The following AFF1 variants were observed in gnomAD, a reference collection of about 807,000 sequenced individuals.
The protein encoded by AFF1 is AF4/FMR2 family member 1.
Under a neutral mutation model 121.7 loss-of-function variants are expected in AFF1, and 48 were observed. That is an observed-to-expected ratio of 0.39 (90% CI 0.31 to 0.50). The LOEUF is 0.50. Among genes scored for constraint, AFF1 ranks in the 20% least tolerant of loss-of-function variants. The probability of loss-of-function intolerance (pLI) is 0.76; values close to 1 mark genes in which losing one functional copy is unlikely to be tolerated. For missense variants in AFF1, 1,523 were observed against 1,511.7 expected, an observed-to-expected ratio of 1.01 and a Z score of -0.12; for synonymous variants, 613 against 563.0, an observed-to-expected ratio of 1.09 and a Z score of -1.26.
rs397994396 is a variant in AFF1, at chr4:87,115,625, T to TTTTTTTTTTTTTC, written c.2466+326_2466+327insTTTTTTTTTTTTC. On this transcript the variant is annotated intron_variant, in intron 12 of 20. Transcript: ENST00000395146. ...AACCCACCTCTTTTTTTTTTTTTTT[T>TTTTTTTTTTTTTC]CCAAAGACAGGCCCTTGCTCTGTTG... Among the ~76,000 whole-genome samples the TTTTTTTTTTTTTC allele has an allele frequency of 4.1e-3, 420 of 102,964 alleles. 45 individuals are homozygous for TTTTTTTTTTTTTC. Among genetic ancestry groups the TTTTTTTTTTTTTC allele is most frequent in the South Asian group, 0.014 (40 of 2,924 alleles). 67.5% of individuals were successfully genotyped at this position (102,964 alleles called of 152,430 possible).
At chr4:86,951,310 T>G (rs930651973) in intron 2 of AFF1, among the ~76,000 whole-genome samples, 1 of 151,262 alleles carries the variant, frequency 6.6e-6, no homozygotes, top group African/African-American at 2.4e-5. Flanking sequence ...CAGCCAGAGC[T>G]CCTATCTAAT....
Position 86,985,248 on chromosome 4 carries a change from C to T in AFF1, c.38+36677C>T, listed in dbSNP as rs1724151109. ...ATTTTAGGCCGGGCAGAGGGGCTCA[C>T]GCCTGTAATCCCAGCACTTTGGGAG... On this transcript the variant is annotated intron_variant, in intron 2 of 20. Coordinates refer to ENST00000395146, the MANE Select transcript of AFF1 (RefSeq NM_001166693.3). Among the ~76,000 whole-genome samples, 3 of 140,320 alleles carry T rather than the reference C, an allele frequency of 2.1e-5. No homozygotes were observed. The South Asian group carries it at 6.5e-4, about 30-fold the overall frequency. The allele number at this position is 140,320 out of a possible 152,430, so 92.1% of individuals were successfully genotyped here.
At chr4:86,996,958 C>T (rs909886324) in intron 2 of AFF1, among the ~76,000 whole-genome samples, 1 of 152,180 alleles carries the variant, frequency 6.6e-6, no homozygotes, top group Admixed American at 6.5e-5. Context: ...GTTGCCCAGG[C>T]TGGAGTGCAG....
At chr4:86,995,581 C>T (rs1217471893) in intron 2 of AFF1, among the ~76,000 whole-genome samples, 2 of 151,978 alleles carry the variant, frequency 1.3e-5, no homozygotes, top group Non-Finnish European at 2.9e-5. Context: ...CCCGAGGTGC[C>T]GGGATTGCAG....
rs1578141604 is a variant in AFF1 at position 87,047,728 on chromosome 4, G to C, written c.1059+134G>C. On this transcript the variant is annotated intron_variant, in intron 4 of 20. Coordinates refer to ENST00000395146, the MANE Select transcript of AFF1 (RefSeq NM_001166693.3). ...TAGGGGGAATTCTTTTTGGCTTTAGGATCTTGTTAATAACCCGCGAAAAAC... is the reference window on the plus strand; with the variant it reads ...TAGGGGGAATTCTTTTTGGCTTTAGCATCTTGTTAATAACCCGCGAAAAAC... The C allele has an allele frequency of 5.8e-6, 7 of 1,203,100 alleles. 1 individual carries two copies. The Admixed American group carries it at 1.2e-4, about 20-fold the overall frequency. 74.5% of individuals were successfully genotyped at this position (1,203,100 alleles called of 1,614,324 possible).
chr4:87,054,519 G>A (rs566704494), intron 4 of AFF1, among the ~76,000 whole-genome samples: 13 of 152,262 alleles, frequency 8.5e-5, no homozygotes, highest in African/African-American at 2.6e-4. Context: ...TTCAGGTTCC[G>A]TTTTCTAAAA....
intron 4 of AFF1, among the ~76,000 whole-genome samples, chr4:87,048,810 A>C (rs1293249960): frequency 6.6e-6 from 1 of 152,176 alleles, no homozygotes; most frequent in African/African-American, 2.4e-5. Context: ...AAAATAAGAA[A>C]GAAGGAGTAA....
At chr4:87,019,430 G>C (rs556132964) in intron 2 of AFF1, among the ~76,000 whole-genome samples, 1 of 152,338 alleles carries the variant, frequency 6.6e-6, no homozygotes, top group Non-Finnish European at 1.5e-5. Context: ...GAGAGTTCCT[G>C]CCCCATACTC....
rs747567891 is a variant in AFF1, at chr4:87,134,708, T to A, written c.3535+14T>A. 6.3e-7 allele frequency: 1 copy of A among 1,594,834 alleles called. No homozygotes were observed. The highest frequency in any genetic ancestry group is 1.1e-5 in the South Asian group (1 of 90,584). On this transcript the variant is annotated intron_variant, in intron 20 of 20. Transcript: ENST00000395146. ...GGAAGAATAAAGGTAAATAAATGGC[T>A]TTGTGGTGGTAATTACTGGGGTGTT...
intron 4 of AFF1, among the ~76,000 whole-genome samples, chr4:87,068,294 C>T (rs1721601693): frequency 7.9e-6 from 1 of 126,910 alleles, no homozygotes; most frequent in Non-Finnish European, 1.6e-5. Context: ...GCCTTTATAT[C>T]TTATCTTACT....
At chr4:87,049,866 A>T in intron 4 of AFF1, 1 of 388,976 alleles carries the variant, frequency 2.6e-6, no homozygotes. Context: ...AGGAGTCGTC[A>T]ATCCGGGAAG....
At chr4:87,120,856 C>T (rs1401318400) in intron 12 of AFF1, among the ~76,000 whole-genome samples, 2 of 152,208 alleles carry the variant, frequency 1.3e-5, no homozygotes, top group Admixed American at 1.3e-4. Context: ...AAAAAGCCAC[C>T]TTTTCCCTGC....
At chr4:87,111,012 A>ATTTTTTTTTTTTT (rs1281817683) in intron 11 of AFF1, among the ~76,000 whole-genome samples, 1 of 29,278 alleles carries the variant, frequency 3.4e-5, no homozygotes, top group African/African-American at 8.9e-5. Flanking sequence ...TTTTTTTTTT[A>ATTTTTTTTTTTTT]TTTTTTTTTT....
At chr4:86,938,050 C>T (rs1173798992) in intron 1 of AFF1, among the ~76,000 whole-genome samples, 1 of 152,174 alleles carries the variant, frequency 6.6e-6, no homozygotes, top group African/African-American at 2.4e-5. Context: ...GTTCTATGTT[C>T]AACTCTGTAA....
At chr4:86,939,398 T>A (rs1452781112) in intron 1 of AFF1, among the ~76,000 whole-genome samples, 1 of 152,186 alleles carries the variant, frequency 6.6e-6, no homozygotes, top group Non-Finnish European at 1.5e-5. Context: ...AAAATATAAA[T>A]AGTGTTTCTC....
At chr4:86,964,549 C>T (rs1219487947) in intron 2 of AFF1, among the ~76,000 whole-genome samples, 1 of 151,726 alleles carries the variant, frequency 6.6e-6, no homozygotes, top group African/African-American at 2.4e-5. Context: ...AATTCTCCTG[C>T]CTCAGCTCCT....
chr4:86,958,610 C>T (rs1217428336), intron 2 of AFF1, among the ~76,000 whole-genome samples: 4 of 151,800 alleles, frequency 2.6e-5, no homozygotes, highest in East Asian at 3.9e-4. Context: ...CCCAGCTACT[C>T]GGGAGGCTGA....
At position 86,958,091 on chromosome 4, in the gene AFF1, C is replaced by CTTTTTTTTTTTTTTTTTTTTTT. The variant is rs36035943; in HGVS notation, c.38+9539_38+9540insTTTTTTTTTTTTTTTTTTTTTT. Among the ~76,000 whole-genome samples, 2 of 107,108 alleles carry CTTTTTTTTTTTTTTTTTTTTTT rather than the reference C, an allele frequency of 1.9e-5. 1 individual carries two copies. Among genetic ancestry groups the CTTTTTTTTTTTTTTTTTTTTTT allele is most frequent in the African/African-American group, 7.2e-5 (2 of 27,630 alleles). The allele number at this position is 107,108 out of a possible 152,430, so 70.3% of individuals were successfully genotyped here. ...TCTCTGAACTTTTTCTTTTTTTTTC[C>CTTTTTTTTTTTTTTTTTTTTTT]TTTTTTTTTTTTTTTTTTTGAAACG... On this transcript the variant is annotated intron_variant, in intron 2 of 20. Transcript: ENST00000395146.
At chr4:87,094,510 C>G (rs571660177) in intron 7 of AFF1, among the ~76,000 whole-genome samples, 1 of 152,056 alleles carries the variant, frequency 6.6e-6, no homozygotes, top group African/African-American at 2.4e-5. Flanking sequence ...ATGGAGAGCA[C>G]CTAGGACAGA....
Sources: gnomAD v4.1 joint callset for allele counts (sites outside exome capture counted in the v4.1 genomes callset) on GRCh38, gnomAD v4.1.1 for gene constraint, MANE v1.5 for transcripts, NCBI Gene and HGNC (gene_info 2026-07-23, HGNC 2026-07-21) for gene names.